HTT-AS: variants seen among roughly 807,000 people sequenced by gnomAD.
HTT-AS encodes the protein HTT antisense RNA.
intron 1 of HTT-AS, among the ~76,000 whole-genome samples, chr4:3,065,508 C>T (rs149344353): frequency 2.3e-4 from 35 of 152,268 alleles, no homozygotes; most frequent in East Asian, 7.7e-4. Flanking sequence ...TGAGCCACCA[C>T]GCCAGCCCAA....
intron 2 of HTT-AS, among the ~76,000 whole-genome samples, chr4:3,055,127 T>A (rs1338670392): frequency 6.6e-6 from 1 of 151,842 alleles, no homozygotes; most frequent in Non-Finnish European, 1.5e-5. Flanking sequence ...GGCAGGTAGA[T>A]CACGAGGTCA....
At chr4:3,068,025 G>A (rs1712086972) in intron 1 of HTT-AS, among the ~76,000 whole-genome samples, 1 of 152,172 alleles carries the variant, frequency 6.6e-6, no homozygotes, top group Non-Finnish European at 1.5e-5. Flanking sequence ...TGGAAGACAG[G>A]CCAGGTGTGG....
chr4:3,066,079 G>A (rs544140082), intron 1 of HTT-AS, among the ~76,000 whole-genome samples: 12 of 151,378 alleles, frequency 7.9e-5, no homozygotes, highest in South Asian at 4.2e-4. Flanking sequence ...AGCCAGAAGA[G>A]GGTGGGAGCG....
chr4:3,063,360 G>C (rs1287484706), exon 2 of HTT-AS: 1 of 152,480 alleles, frequency 6.6e-6, no homozygotes, highest in African/African-American at 2.4e-5. Flanking sequence ...GGTTCTTGTA[G>C]GACGACAGAG....
intron 2 of HTT-AS, among the ~76,000 whole-genome samples, chr4:3,051,634 T>G (rs1344034256): frequency 1.5e-5 from 2 of 137,826 alleles, no homozygotes; most frequent in Non-Finnish European, 1.6e-5. Flanking sequence ...CTCTGTGTGT[T>G]CAAACTGGTT....
downstream of HTT-AS, among the ~76,000 whole-genome samples, chr4:3,047,232 A>G (rs1711607720): frequency 6.6e-6 from 1 of 151,946 alleles, no homozygotes; most frequent in Non-Finnish European, 1.5e-5. Context: ...AATGGCATGA[A>G]CCCGGGAGGC....
chr4:3,073,908 C>G (rs1198907979), intron 1 of HTT-AS, among the ~76,000 whole-genome samples: 1 of 152,172 alleles, frequency 6.6e-6, no homozygotes, highest in Non-Finnish European at 1.5e-5. Context: ...AACCCCAAGG[C>G]CACCTCGGCT....
Position 3,063,863 on chromosome 4 carries a change from G to C in HTT-AS, n.114-163C>G, listed in dbSNP as rs536222669. 2.6e-5 allele frequency among the ~76,000 whole-genome samples: 4 copies of C among 152,238 alleles called. No homozygotes were observed. The East Asian group carries it at 7.7e-4, about 29-fold the overall frequency. On this transcript the variant is annotated intron_variant and non_coding_transcript_variant, in intron 1 of 2. Coordinates refer to ENST00000664062, the Ensembl canonical transcript of HTT-AS. Reference sequence around the variant, plus strand: ...TAAAAGATGATTTTATGGAGGGGATGGTGGTGAAGGTTGTGGGTGGTATGA... The same window carrying C: ...TAAAAGATGATTTTATGGAGGGGATCGTGGTGAAGGTTGTGGGTGGTATGA...
chr4:3,068,355 C>T (rs1338189043), intron 1 of HTT-AS, among the ~76,000 whole-genome samples: 12 of 149,812 alleles, frequency 8.0e-5, no homozygotes, highest in Admixed American at 1.3e-4. Context: ...CTTCAATCTC[C>T]TGAAAGGAAG....
At chr4:3,059,058 G>A (rs774627145) in intron 2 of HTT-AS, among the ~76,000 whole-genome samples, 12 of 152,154 alleles carry the variant, frequency 7.9e-5, no homozygotes, top group South Asian at 4.1e-4. Flanking sequence ...AAACTGGCCC[G>A]AGAAAGCTTC....
At chr4:3,055,609 T>C (rs1711791494) in intron 2 of HTT-AS, among the ~76,000 whole-genome samples, 1 of 152,214 alleles carries the variant, frequency 6.6e-6, no homozygotes, top group African/African-American at 2.4e-5. Flanking sequence ...GATTTCACCA[T>C]TTCTGTAAGA....
chr4:3,068,556 G>C (rs964030241), intron 1 of HTT-AS, among the ~76,000 whole-genome samples: 6 of 151,892 alleles, frequency 4.0e-5, no homozygotes, highest in Non-Finnish European at 5.9e-5. Flanking sequence ...GAAATGGAGA[G>C]TGATAAAAAT....
chr4:3,068,840 A>G (rs1283538198), intron 1 of HTT-AS, among the ~76,000 whole-genome samples: 2 of 152,040 alleles, frequency 1.3e-5, no homozygotes, highest in African/African-American at 4.8e-5. Flanking sequence ...TTTTTACTAG[A>G]GATGGGATTT....
chr4:3,069,451 C>T (rs1047020782), intron 1 of HTT-AS, among the ~76,000 whole-genome samples: 19 of 151,938 alleles, frequency 1.3e-4, no homozygotes, highest in Non-Finnish European at 5.9e-5. Flanking sequence ...CCATCGCGCC[C>T]GGCCAACAGT....
At chr4:3,056,952 CCT>C (rs1482198701) in intron 2 of HTT-AS, among the ~76,000 whole-genome samples, 6 of 152,118 alleles carry the variant, frequency 3.9e-5, no homozygotes, top group African/African-American at 1.4e-4. Flanking sequence ...ACCATTCTGC[CCT>C]CTGTTTTTAT....
chr4:3,065,912 G>A (rs1712039346), intron 1 of HTT-AS, among the ~76,000 whole-genome samples: 1 of 152,232 alleles, frequency 6.6e-6, no homozygotes, highest in Admixed American at 6.5e-5. Flanking sequence ...AATTTTAGTT[G>A]AACCAGCCTA....
exon 2 of HTT-AS, among the ~76,000 whole-genome samples, chr4:3,063,320 G>A (rs1711980151): frequency 6.6e-6 from 1 of 152,218 alleles, no homozygotes; most frequent in African/African-American, 2.4e-5. Context: ...AGTACACCTT[G>A]CATGTTAAAA....
intron 1 of HTT-AS, among the ~76,000 whole-genome samples, chr4:3,073,109 T>C (rs1712226563): frequency 6.6e-6 from 1 of 152,216 alleles, no homozygotes; most frequent in Non-Finnish European, 1.5e-5. Context: ...GGGAGGCTAC[T>C]GCTACCCCAC....
At chr4:3,062,107 G>A (rs1187231647) in intron 2 of HTT-AS, among the ~76,000 whole-genome samples, 1 of 151,598 alleles carries the variant, frequency 6.6e-6, no homozygotes, top group African/African-American at 2.4e-5. Context: ...TTTAGCTTCA[G>A]TGATTTGGGG....
Sources: allele counts gnomAD v4.1 joint callset (sites outside exome capture counted in the v4.1 genomes callset), GRCh38; gene constraint gnomAD v4.1.1; transcripts MANE v1.5; gene names NCBI Gene and HGNC (gene_info 2026-07-23, HGNC 2026-07-21).